Variants in CRACR2A observed in about 807,000 individuals in gnomAD.
CRACR2A encodes calcium release activated channel regulator 2A.
CRACR2A carries 79 observed loss-of-function variants against 90.5 expected under a neutral mutation model. The observed-to-expected ratio is 0.87, with a 90% CI of 0.73 to 1.05. The LOEUF (loss-of-function observed/expected upper bound fraction) is 1.05, where lower values mean the gene tolerates loss of function less well. Among genes scored for constraint, CRACR2A ranks in the 50% least tolerant of loss-of-function variants. The pLI, the probability that CRACR2A is intolerant of heterozygous loss-of-function variation, is 0.00. For synonymous variants in CRACR2A, 338 were observed against 356.7 expected (o/e 0.95, Z 0.59); for missense variants, 823 against 897.2 (o/e 0.92, Z 1.06).
At chr12:3,630,758 G>A (rs1420006928) in intron 15 of CRACR2A, among the ~76,000 whole-genome samples, 1 of 152,234 alleles carries the variant, frequency 6.6e-6, no homozygotes, top group African/African-American at 2.4e-5. Flanking sequence ...CAGGGCTCAA[G>A]CACCTGCTCT....
At chr12:3,677,024 C>T (rs577416003) in intron 6 of CRACR2A, among the ~76,000 whole-genome samples, 1 of 152,334 alleles carries the variant, frequency 6.6e-6, no homozygotes, top group South Asian at 2.1e-4. Flanking sequence ...CCAAAGCTCA[C>T]TAAGCTGCCA....
intron 7 of CRACR2A, among the ~76,000 whole-genome samples, chr12:3,669,123 C>T (rs1945196828): frequency 6.6e-6 from 1 of 152,194 alleles, no homozygotes; most frequent in Non-Finnish European, 1.5e-5. Context: ...CACTCAGAAG[C>T]TGCCTAATTT....
intron 4 of CRACR2A, among the ~76,000 whole-genome samples, chr12:3,690,780 T>C (rs927621487): frequency 3.9e-5 from 6 of 152,188 alleles, no homozygotes; most frequent in African/African-American, 1.2e-4. Context: ...TCCACTATTA[T>C]AGTGTGGGAG....
At chr12:3,731,715 T>A (rs1946363414) in intron 2 of CRACR2A, 1 of 152,180 alleles carries the variant, frequency 6.6e-6, no homozygotes, top group South Asian at 2.1e-4. Flanking sequence ...ATGTAATGAG[T>A]TAAGATGAGG....
At chr12:3,639,202 T>C (rs1565468579) in intron 13 of CRACR2A, among the ~76,000 whole-genome samples, 1 of 152,078 alleles carries the variant, frequency 6.6e-6, no homozygotes, top group South Asian at 2.1e-4. Flanking sequence ...CCACCTCTCC[T>C]TCCTCTCCCT....
intron 2 of CRACR2A, among the ~76,000 whole-genome samples, chr12:3,714,302 C>T (rs1946050893): frequency 6.6e-6 from 1 of 152,188 alleles, no homozygotes. Flanking sequence ...TGGGCAGAGA[C>T]AAATAAAAAT....
Position 3,659,627 on chromosome 12 carries a change from G to C in CRACR2A, c.699C>G (p.Ile233Met). 2 of 1,614,118 alleles carry C rather than the reference G, an allele frequency of 1.2e-6. No individual in the cohort carries two copies. The highest frequency in any genetic ancestry group is 1.7e-6 in the Non-Finnish European group (2 of 1,180,004). ...KRKIAAYDEE[I>M]QHLYEEMEQQ... ...GTTCCATCTCCTCATAGAGATGCTG[G>C]ATTTCTTCATCATAAGCAGCAATTT... The change falls in exon 8 of 20, where the codon ATC becomes ATG. Residue 233 changes from isoleucine (I) to methionine (M), a missense_variant. Coordinates refer to ENST00000440314, the MANE Select transcript of CRACR2A (RefSeq NM_001144958.2).
chr12:3,666,362 T>A (rs916297282), intron 7 of CRACR2A, among the ~76,000 whole-genome samples: 1 of 148,918 alleles, frequency 6.7e-6, no homozygotes, highest in African/African-American at 2.6e-5. Flanking sequence ...TGTGCGTGCG[T>A]GTGCGCGTGC....
chr12:3,719,267 A>T (rs546531958), intron 2 of CRACR2A, among the ~76,000 whole-genome samples: 140 of 151,102 alleles, frequency 9.3e-4, no homozygotes, highest in Non-Finnish European at 1.5e-3. Flanking sequence ...GATTTTTTTT[A>T]AAAAAAGCAT....
chr12:3,736,357 G>A (rs73247889), intron 1 of CRACR2A, among the ~76,000 whole-genome samples: 23,690 of 151,384 alleles, frequency 0.16, 2,060 homozygotes, highest in African/African-American at 0.2. Context: ...TTAGGTAGAT[G>A]GGTGACATTA....
At chr12:3,645,409 A>C (rs555868224) in intron 11 of CRACR2A, among the ~76,000 whole-genome samples, 1 of 152,336 alleles carries the variant, frequency 6.6e-6, no homozygotes, top group South Asian at 2.1e-4. Context: ...AAGCGAGAGA[A>C]AAAGTGGATG....
chr12:3,679,779 T>A (rs1565486997), intron 5 of CRACR2A, among the ~76,000 whole-genome samples: 2 of 152,236 alleles, frequency 1.3e-5, no homozygotes, highest in African/African-American at 2.4e-5. Flanking sequence ...GAATGTCTAG[T>A]CTGTTCAAAC....
intron 1 of CRACR2A, among the ~76,000 whole-genome samples, chr12:3,742,199 A>G (rs1044826654): frequency 1.3e-5 from 2 of 152,210 alleles, no homozygotes. Context: ...AAAGAATTCA[A>G]TAGTGGGCCT....
chr12:3,694,044 G>T (rs1248948060), intron 4 of CRACR2A, among the ~76,000 whole-genome samples: 2 of 152,098 alleles, frequency 1.3e-5, no homozygotes, highest in African/African-American at 2.4e-5. Context: ...AGTTGTTGGG[G>T]GCTGGGAATG....
intron 8 of CRACR2A, among the ~76,000 whole-genome samples, chr12:3,657,442 G>A (rs937870058): frequency 6.6e-6 from 1 of 152,212 alleles, no homozygotes; most frequent in African/African-American, 2.4e-5. Flanking sequence ...GCAGCGCGGT[G>A]GGGGAACACG....
Position 3,638,155 on chromosome 12 carries a change from C to T in CRACR2A, c.1571G>A (p.Gly524Glu), listed in dbSNP as rs1284089081. Residue 524 changes from glycine (G) to glutamate (E), a missense_variant, in exon 14 of 20, where the codon GGG becomes GAG. Coordinates refer to ENST00000440314, the MANE Select transcript of CRACR2A (RefSeq NM_001144958.2). ...CAGGGCTTCTTTTCCAACAGGCTGCCCTCGGGGGGATGTGGGGGTGAGTTT... is the reference window on the plus strand; with the variant it reads ...CAGGGCTTCTTTTCCAACAGGCTGCTCTCGGGGGGATGTGGGGGTGAGTTT... The part of the protein sequence containing the change: ...PLKLTPTSPR[G>E]QPVGKEALCK... 1.9e-6 allele frequency: 3 copies of T among 1,548,860 alleles called. No homozygotes were observed. Among genetic ancestry groups the T allele is most frequent in the East Asian group, 2.4e-5 (1 of 40,822 alleles).
At chr12:3,624,729 G>A (rs1944223133) in intron 17 of CRACR2A, among the ~76,000 whole-genome samples, 1 of 152,212 alleles carries the variant, frequency 6.6e-6, no homozygotes, top group South Asian at 2.1e-4. Flanking sequence ...TCTACTCACA[G>A]GGTCATCCCT....
At chr12:3,659,788 C>T (rs1036094866) in intron 7 of CRACR2A, 134 bp from the exon 8 acceptor site, 29 of 685,830 alleles carry the variant, frequency 4.2e-5, no homozygotes, top group African/African-American at 8.9e-5. Flanking sequence ...GGTCAGCCAA[C>T]GCTATAAGAT....
At chr12:3,732,534 C>A (rs538356490) in intron 2 of CRACR2A, 1 of 152,474 alleles carries the variant, frequency 6.6e-6, no homozygotes, top group Non-Finnish European at 1.5e-5. Flanking sequence ...GGCTACTAGA[C>A]AATTTCTAGA....
Sources: allele counts gnomAD v4.1 joint callset (sites outside exome capture counted in the v4.1 genomes callset), GRCh38; gene constraint gnomAD v4.1.1; transcripts MANE v1.5; gene names NCBI Gene and HGNC (gene_info 2026-07-23, HGNC 2026-07-21).